NTRK3: variants seen among roughly 807,000 people sequenced by gnomAD.
NTRK3 encodes the protein NT-3 growth factor receptor.
Under a neutral mutation model 91.7 loss-of-function variants are expected in NTRK3, and 24 were observed. The observed-to-expected ratio is 0.26, with a 90% CI of 0.19 to 0.37. The LOEUF (loss-of-function observed/expected upper bound fraction) is 0.37, where lower values mean the gene tolerates loss of function less well. NTRK3 is among the 10% of genes least tolerant of loss of function. The pLI, the probability that NTRK3 is intolerant of heterozygous loss-of-function variation, is 1.00. For missense variants in NTRK3, 880 were observed against 1,068.9 expected (o/e 0.82, Z 2.46); for synonymous variants, 483 against 404.0 (o/e 1.20, Z -2.34).
intron 14 of NTRK3, among the ~76,000 whole-genome samples, chr15:87,948,933 C>T (rs1428151837): frequency 6.6e-6 from 1 of 152,136 alleles, no homozygotes; most frequent in Non-Finnish European, 1.5e-5. Flanking sequence ...CAGAGTTTGA[C>T]ATTTTTACAA....
intron 14 of NTRK3, among the ~76,000 whole-genome samples, chr15:88,019,085 A>G (rs1447558416): frequency 6.6e-6 from 1 of 152,142 alleles, no homozygotes; most frequent in Non-Finnish European, 1.5e-5. Context: ...CCAGGCATAC[A>G]AGTCTAGCCT....
chr15:88,088,004 T>G (rs1029933757), intron 13 of NTRK3, among the ~76,000 whole-genome samples: 1 of 152,118 alleles, frequency 6.6e-6, no homozygotes, highest in Admixed American at 6.5e-5. Flanking sequence ...TGAGCCAAGA[T>G]CACGCCACTC....
chr15:88,025,425 G>T (rs2077951352), intron 14 of NTRK3, among the ~76,000 whole-genome samples: 5 of 152,200 alleles, frequency 3.3e-5, no homozygotes. Context: ...AACTCCCAGT[G>T]CCTTACAATG....
At chr15:88,227,674 T>C (rs1229058750) in intron 3 of NTRK3, among the ~76,000 whole-genome samples, 2 of 152,158 alleles carry the variant, frequency 1.3e-5, no homozygotes, top group Admixed American at 6.5e-5. Context: ...ACACCCAGTC[T>C]GTGGGACTTC....
chr15:88,180,987 G>A (rs74463509), intron 5 of NTRK3, among the ~76,000 whole-genome samples: 2,039 of 152,236 alleles, frequency 0.013, 36 homozygotes, highest in African/African-American at 0.045. Flanking sequence ...GTCTCTCTGC[G>A]ACCCCCAGGC....
chr15:88,111,308 G>A (rs1429385632), intron 13 of NTRK3, among the ~76,000 whole-genome samples: 7 of 152,132 alleles, frequency 4.6e-5, no homozygotes, highest in Admixed American at 1.3e-4. Context: ...GTTGTTTCCC[G>A]AAGTACTAAT....
At chr15:88,149,930 T>G (rs144759550) in intron 5 of NTRK3, among the ~76,000 whole-genome samples, 1 of 152,234 alleles carries the variant, frequency 6.6e-6, no homozygotes, top group Non-Finnish European at 1.5e-5. Context: ...CACAACAGCA[T>G]CACGGCAGCA....
At chr15:88,179,480 T>C (rs2046276814) in intron 5 of NTRK3, among the ~76,000 whole-genome samples, 1 of 152,142 alleles carries the variant, frequency 6.6e-6, no homozygotes, top group Admixed American at 6.5e-5. Context: ...AATGAGATAA[T>C]GTATGGAAAA....
chr15:88,033,176 TTATATATATATATATATATATATA>T lies in NTRK3; in HGVS notation c.1397-155_1397-132del, dbSNP rs149279639. On this transcript the variant is annotated intron_variant, in intron 13 of 18. Transcript: ENST00000394480. ...CTTTTTTTTACTTTTGGGGGGTGTG[TTATATATATATATATATATATATA>T]TATATATATATATATAAATTCAGTT... 2.3e-4 allele frequency: 45 copies of T among 196,056 alleles called. 6 individuals carry two copies. The highest frequency in any genetic ancestry group is 1.6e-3 in the Middle Eastern group (1 of 614). The allele number at this position is 196,056 out of a possible 1,614,324, so 12.1% of individuals were successfully genotyped here. A position where few individuals can be genotyped will look rare whatever the true frequency, so the allele number is the denominator to read the frequency against.
chr15:87,974,549 C>T (rs1380007306), intron 14 of NTRK3, among the ~76,000 whole-genome samples: 3 of 152,042 alleles, frequency 2.0e-5, no homozygotes, highest in African/African-American at 7.2e-5. Context: ...AAGCTTCTCA[C>T]CCTTGCCCAG....
At chr15:87,987,683 T>G (rs1007368157) in intron 14 of NTRK3, among the ~76,000 whole-genome samples, 8 of 150,092 alleles carry the variant, frequency 5.3e-5, no homozygotes, top group African/African-American at 2.0e-4. Context: ...TACTCATAGA[T>G]TTTTTTTTAA....
At chr15:88,172,402 A>G (rs1477758341) in intron 5 of NTRK3, among the ~76,000 whole-genome samples, 4 of 152,158 alleles carry the variant, frequency 2.6e-5, no homozygotes, top group Non-Finnish European at 4.4e-5. Context: ...GAAGAGGGGG[A>G]AAAAAGAGAA....
Position 88,197,114 on chromosome 15 carries a change from A to AC in NTRK3, c.249-12816_249-12815insG, listed in dbSNP as rs1218480650. Among the ~76,000 whole-genome samples the AC allele has an allele frequency of 2.0e-3, 257 of 129,430 alleles. 1 individual carries two copies. Among genetic ancestry groups the AC allele is most frequent in the Non-Finnish European group, 3.5e-3 (225 of 63,674 alleles). 84.9% of individuals were successfully genotyped at this position (129,430 alleles called of 152,430 possible). A position where few individuals can be genotyped will look rare whatever the true frequency, so the allele number is the denominator to read the frequency against. ...CAGGACAAAAAAAAAAAAAAAAAAA[A>AC]AAAAAAAAAAAAACCTCTGTGATTG... On this transcript the variant is annotated intron_variant, in intron 3 of 18. Transcript: ENST00000394480.
chr15:88,048,749 T>C (rs906874155), intron 13 of NTRK3, among the ~76,000 whole-genome samples: 3 of 152,182 alleles, frequency 2.0e-5, no homozygotes, highest in African/African-American at 4.8e-5. Context: ...CTTGGGATTA[T>C]TAAAATGAAA....
At chr15:87,872,848 C>T (rs974987438) in exon 19 of NTRK3, 11 of 231,924 alleles carry the variant, frequency 4.7e-5, no homozygotes, top group African/African-American at 1.3e-4. Context: ...CAGAACCTAG[C>T]TTTAAAAAAA....
intron 14 of NTRK3, among the ~76,000 whole-genome samples, chr15:87,952,722 C>T (rs2071257957): frequency 6.6e-6 from 1 of 152,170 alleles, no homozygotes; most frequent in Non-Finnish European, 1.5e-5. Flanking sequence ...GCCCACCCTC[C>T]GCAGACTGAG....
At chr15:88,128,786 A>G (rs2053544026) in intron 10 of NTRK3, 52 bp from the exon 11 acceptor site, 2 of 1,511,076 alleles carry the variant, frequency 1.3e-6, no homozygotes, top group African/African-American at 2.7e-5. Context: ...AAACCAGAAC[A>G]GACACACTAC....
chr15:87,994,329 A>C (rs981539243), intron 14 of NTRK3, among the ~76,000 whole-genome samples: 5 of 152,230 alleles, frequency 3.3e-5, no homozygotes, highest in African/African-American at 1.2e-4. Context: ...GTTCAAGTTA[A>C]GATGAAGTCA....
intron 3 of NTRK3, among the ~76,000 whole-genome samples, chr15:88,214,783 G>A (rs2049596953): frequency 6.6e-6 from 1 of 151,974 alleles, no homozygotes; most frequent in African/African-American, 2.4e-5. Flanking sequence ...GCCCAGCTTT[G>A]TCTGAATTTA....
Sources: gnomAD v4.1 joint callset for allele counts (sites outside exome capture counted in the v4.1 genomes callset) on GRCh38, gnomAD v4.1.1 for gene constraint, MANE v1.5 for transcripts, NCBI Gene and HGNC (gene_info 2026-07-23, HGNC 2026-07-21) for gene names.